PPP1R9A: variants seen among roughly 807,000 people sequenced by gnomAD.
PPP1R9A encodes protein phosphatase 1 regulatory subunit 9A, also known as neurabin-1.
PPP1R9A carries 59 observed loss-of-function variants against 141.9 expected under a neutral mutation model. That is an observed-to-expected ratio of 0.42 (90% CI 0.34 to 0.52). The LOEUF (loss-of-function observed/expected upper bound fraction) is 0.52, where lower values mean the gene tolerates loss of function less well. PPP1R9A is among the 20% of genes least tolerant of loss of function. The pLI is 0.10. For missense variants in PPP1R9A, 1,444 were observed against 1,611.9 expected, an observed-to-expected ratio of 0.90 and a Z score of 1.78; for synonymous variants, 500 against 569.7, an observed-to-expected ratio of 0.88 and a Z score of 1.74.
At chr7:95,007,301 A>ACTGTC (rs1251652302) in intron 2 of PPP1R9A, among the ~76,000 whole-genome samples, 1 of 152,074 alleles carries the variant, frequency 6.6e-6, no homozygotes, top group Non-Finnish European at 1.5e-5. Flanking sequence ...GTCATGGGAG[A>ACTGTC]CTGTCCTGTG....
chr7:94,972,078 A>T (rs1798911455), intron 2 of PPP1R9A, among the ~76,000 whole-genome samples: 1 of 152,206 alleles, frequency 6.6e-6, no homozygotes, highest in Admixed American at 6.5e-5. Context: ...TGTTATGGCC[A>T]TGATGACCCA....
chr7:94,992,964 C>G (rs1801702771), intron 2 of PPP1R9A, among the ~76,000 whole-genome samples: 1 of 151,748 alleles, frequency 6.6e-6, no homozygotes, highest in Non-Finnish European at 1.5e-5. Flanking sequence ...TTGGTTAATC[C>G]AAGGTCACAA....
rs1406486166 is a variant in PPP1R9A, at chr7:94,980,193, A to AAT, written c.1395+68686_1395+68687insTA. Among the ~76,000 whole-genome samples the AAT allele has an allele frequency of 2.4e-4, 36 of 151,766 alleles. 2 individuals are homozygous for AAT. Among genetic ancestry groups the AAT allele is most frequent in the Admixed American group, 1.4e-3 (21 of 15,218 alleles). ...AATAGCTGATGAGCTAAAAAAAAAAAAAAAAAAATCACAGAAAATCTCATA... is the reference window on the plus strand; with the variant it reads ...AATAGCTGATGAGCTAAAAAAAAAAAATAAAAAAAATCACAGAAAATCTCATA... On this transcript the variant is annotated intron_variant, in intron 2 of 19. Transcript: ENST00000433360.
At chr7:94,975,026 T>G (rs1799272617) in intron 2 of PPP1R9A, among the ~76,000 whole-genome samples, 1 of 152,176 alleles carries the variant, frequency 6.6e-6, no homozygotes, top group Non-Finnish European at 1.5e-5. Flanking sequence ...TTCAGGACCC[T>G]TAGGGAGCTT....
In PPP1R9A at chr7:94,969,608, C is replaced by G. The variant is rs530749292; in HGVS notation, c.1395+58100C>G. 5.3e-5 allele frequency among the ~76,000 whole-genome samples: 8 copies of G among 152,228 alleles called. 1 individual carries two copies. In the South Asian group the frequency reaches 1.0e-3, roughly 20 times the overall value. ...CCCCTGCTGGGAGGTGTCTCCCAAT[C>G]AGGAGGTACAGGGGTCAGCAACGCA... On this transcript the variant is annotated intron_variant, in intron 2 of 19. Transcript: ENST00000433360.
intron 2 of PPP1R9A, among the ~76,000 whole-genome samples, chr7:95,014,179 A>G (rs1293183573): frequency 6.6e-6 from 1 of 152,096 alleles, no homozygotes; most frequent in Non-Finnish European, 1.5e-5. Flanking sequence ...TTCAAATTAG[A>G]CCCGTTGGCC....
At chr7:94,967,893 T>C (rs1007646295) in intron 2 of PPP1R9A, among the ~76,000 whole-genome samples, 1 of 152,184 alleles carries the variant, frequency 6.6e-6, no homozygotes, top group Non-Finnish European at 1.5e-5. Flanking sequence ...TCTGTTGATT[T>C]GGGGTGGAGA....
chr7:95,191,518 T>C (rs573526276), intron 5 of PPP1R9A, among the ~76,000 whole-genome samples: 6 of 152,262 alleles, frequency 3.9e-5, no homozygotes, highest in African/African-American at 1.4e-4. Flanking sequence ...TATATTATTG[T>C]TAACTAGAGT....
intron 2 of PPP1R9A, among the ~76,000 whole-genome samples, chr7:95,072,868 A>T (rs570920510): frequency 1.8e-5 from 2 of 112,280 alleles, no homozygotes; most frequent in African/African-American, 7.3e-5. Flanking sequence ...TATATAATAT[A>T]ATATAATATT....
chr7:95,234,179 A>G (rs939260181), intron 8 of PPP1R9A, among the ~76,000 whole-genome samples: 1 of 152,172 alleles, frequency 6.6e-6, no homozygotes. Flanking sequence ...AGTCCTAGCC[A>G]GAGCAAACAA....
At chr7:95,196,266 CATT>C (rs1214509773) in intron 5 of PPP1R9A, among the ~76,000 whole-genome samples, 3 of 152,202 alleles carry the variant, frequency 2.0e-5, no homozygotes, top group Middle Eastern at 3.4e-3. Context: ...AAATTAAAAA[CATT>C]ATGAAATACC....
intron 2 of PPP1R9A, among the ~76,000 whole-genome samples, chr7:95,094,879 CAAAAAAAAAAAA>C (rs1166550834): frequency 4.4e-5 from 2 of 44,974 alleles, no homozygotes; most frequent in African/African-American, 7.2e-5. Flanking sequence ...GACTGCGTCT[CAAAAAAAAAAAA>C]AAAAAAAAAA....
chr7:94,993,743 T>C (rs1286615021), intron 2 of PPP1R9A, among the ~76,000 whole-genome samples: 1 of 152,238 alleles, frequency 6.6e-6, no homozygotes, highest in African/African-American at 2.4e-5. Flanking sequence ...TTATATCTTT[T>C]AATCTTACTG....
chr7:95,227,515 C>T (rs1351336979), intron 8 of PPP1R9A, among the ~76,000 whole-genome samples: 1 of 152,192 alleles, frequency 6.6e-6, no homozygotes, highest in Non-Finnish European at 1.5e-5. Flanking sequence ...AATTATGATA[C>T]ATTGTCCAAA....
intron 8 of PPP1R9A, among the ~76,000 whole-genome samples, chr7:95,237,925 T>C (rs947077367): frequency 6.6e-6 from 1 of 152,166 alleles, no homozygotes; most frequent in Non-Finnish European, 1.5e-5. Context: ...TTTTCTTATT[T>C]CTTTTTTAAG....
chr7:95,199,326 C>G (rs1379947003), intron 6 of PPP1R9A, among the ~76,000 whole-genome samples: 2 of 152,292 alleles, frequency 1.3e-5, no homozygotes, highest in African/African-American at 4.8e-5. Context: ...ACTCCATAAA[C>G]TAGTACATAT....
intron 4 of PPP1R9A, among the ~76,000 whole-genome samples, chr7:95,136,686 A>G (rs1003782798): frequency 2.0e-5 from 3 of 152,238 alleles, no homozygotes; most frequent in African/African-American, 7.2e-5. Context: ...TGTATCAGAA[A>G]TACTTTCCTA....
chr7:94,940,485 G>A (rs529843212), intron 2 of PPP1R9A, among the ~76,000 whole-genome samples: 1 of 151,710 alleles, frequency 6.6e-6, no homozygotes, highest in Non-Finnish European at 1.5e-5. Flanking sequence ...CACTAGATCT[G>A]TGAGCCAAAG....
intron 6 of PPP1R9A, 65 bp downstream of exon 6, chr7:95,198,549 A>G (rs2152857900): frequency 1.5e-5 from 22 of 1,452,526 alleles, no homozygotes; most frequent in Non-Finnish European, 1.7e-5. Context: ...TCTCTACTGT[A>G]TAACAGTATG....
Sources: gnomAD v4.1 joint callset for allele counts (sites outside exome capture counted in the v4.1 genomes callset) on GRCh38, gnomAD v4.1.1 for gene constraint, MANE v1.5 for transcripts, NCBI Gene and HGNC (gene_info 2026-07-23, HGNC 2026-07-21) for gene names.